TDP1: variants seen among roughly 807,000 people sequenced by gnomAD.
The protein encoded by TDP1 is tyr-DNA phosphodiesterase 1.
In TDP1, 64 loss-of-function variants were observed where a neutral mutation model predicts 81.5. The observed-to-expected ratio is 0.79, with a 90% CI of 0.64 to 0.97. TDP1 has a LOEUF of 0.97. Among genes scored for constraint, TDP1 ranks in the 50% least tolerant of loss-of-function variants. The probability of loss-of-function intolerance (pLI) is 0.00; values close to 1 mark genes in which losing one functional copy is unlikely to be tolerated. For missense variants in TDP1, 723 were observed against 743.8 expected (o/e 0.97, Z 0.33); for synonymous variants, 256 against 264.3 (o/e 0.97, Z 0.30).
At chr14:89,962,342 G>A (rs1461601179) in intron 2 of TDP1, among the ~76,000 whole-genome samples, 1 of 152,188 alleles carries the variant, frequency 6.6e-6, no homozygotes, top group Non-Finnish European at 1.5e-5. Context: ...CTTTTGGGAA[G>A]TAAGACATAC....
chr14:90,002,385 G>T (rs1304064687), intron 14 of TDP1, among the ~76,000 whole-genome samples: 1 of 152,152 alleles, frequency 6.6e-6, no homozygotes, highest in Admixed American at 6.5e-5. Context: ...CTCATTTATG[G>T]AATCCCAAGG....
intron 5 of TDP1, among the ~76,000 whole-genome samples, chr14:89,969,547 C>G (rs1412198206): frequency 6.6e-6 from 1 of 152,178 alleles, no homozygotes; most frequent in African/African-American, 2.4e-5. Context: ...ATGACTTGAT[C>G]TAACATTTTT....
At chr14:89,972,019 A>G (rs1043717657) in intron 6 of TDP1, among the ~76,000 whole-genome samples, 1 of 152,218 alleles carries the variant, frequency 6.6e-6, no homozygotes, top group Non-Finnish European at 1.5e-5. Flanking sequence ...TCTAAGTCCA[A>G]TGTGGAGACA....
intron 16 of TDP1, among the ~76,000 whole-genome samples, chr14:90,034,987 G>A (rs1236333321): frequency 2.2e-5 from 3 of 134,138 alleles, no homozygotes; most frequent in Non-Finnish European, 3.2e-5. Flanking sequence ...CCTCTGTCCC[G>A]CTAACCATTC....
intron 14 of TDP1, among the ~76,000 whole-genome samples, chr14:89,997,421 A>G (rs902715839): frequency 2.0e-5 from 3 of 152,208 alleles, no homozygotes; most frequent in African/African-American, 4.8e-5. Context: ...CACTGATATC[A>G]GTATAGAAGT....
chr14:90,018,190 C>T (rs987862140), intron 14 of TDP1, among the ~76,000 whole-genome samples: 8 of 151,934 alleles, frequency 5.3e-5, no homozygotes, highest in Admixed American at 3.3e-4. Context: ...GAGTGAATCT[C>T]GAAATAGTCA....
chr14:90,012,289 A>C (rs1012949288), intron 14 of TDP1, among the ~76,000 whole-genome samples: 2 of 151,756 alleles, frequency 1.3e-5, no homozygotes, highest in African/African-American at 4.8e-5. Flanking sequence ...ATGGAGCCTC[A>C]TGTCATTAAG....
chr14:89,985,031 C>A, intron 9 of TDP1, 101 bp from the exon 10 acceptor site: 3 of 1,318,850 alleles, frequency 2.3e-6, no homozygotes, highest in Non-Finnish European at 3.1e-6. Flanking sequence ...GCTCTTAGAT[C>A]ATTTCTTGAT....
intron 5 of TDP1, 91 bp downstream of exon 5, chr14:89,967,513 TTTTGAG>T (rs773582330): frequency 2.7e-6 from 3 of 1,120,398 alleles, no homozygotes; most frequent in Non-Finnish European, 4.1e-6. Flanking sequence ...GCCACTCATC[TTTTGAG>T]TTTTTCTTTT....
At chr14:89,980,230 C>A in intron 7 of TDP1, 1 of 985,390 alleles carries the variant, frequency 1.0e-6, no homozygotes, top group Non-Finnish European at 1.2e-6. Flanking sequence ...CCAACGGTCC[C>A]TAGTAGTAAC....
intron 13 of TDP1, among the ~76,000 whole-genome samples, chr14:89,992,402 C>T (rs1228760070): frequency 6.6e-6 from 1 of 152,116 alleles, no homozygotes; most frequent in South Asian, 2.1e-4. Context: ...CAGTATCTGG[C>T]GTGTTGTCAG....
intron 14 of TDP1, among the ~76,000 whole-genome samples, chr14:90,016,579 T>A (rs1885337734): frequency 6.6e-6 from 1 of 152,240 alleles, no homozygotes; most frequent in Non-Finnish European, 1.5e-5. Flanking sequence ...TGGCTCCAGC[T>A]AGTTATTCTC....
Position 89,963,247 on chromosome 14 carries a change from A to C in TDP1, c.133A>C (p.Arg45=). The change falls in exon 3 of 17, where the codon AGG becomes CGG. Residue 45 remains arginine, a synonymous_variant. Coordinates refer to ENST00000335725, the MANE Select transcript of TDP1 (RefSeq NM_018319.4). The part of the protein sequence containing the change: ...CARQGAANEP[R]YTCSEAQKAA... ...CAGGCAAGGAGCAGCAAATGAGCCC[A>C]GGTACACCTGTTCCGAGGCCCAGAA... The C allele has an allele frequency of 6.2e-7, 1 of 1,614,230 alleles. No homozygotes were observed. The highest frequency in any genetic ancestry group is 1.1e-5 in the South Asian group (1 of 91,084).
Position 89,967,360 on chromosome 14 carries a change from C to T in TDP1, c.604-7C>T. On this transcript the variant is annotated splice_polypyrimidine_tract_variant and splice_region_variant and intron_variant, in intron 4 of 16. Coordinates refer to ENST00000335725, the MANE Select transcript of TDP1 (RefSeq NM_018319.4). ...TGGCTTAGTTACTCTTCTTTTCTCC[C>T]ATCTAGTTTAACTACTGCTTTGACG... 6.2e-7 allele frequency: 1 copy of T among 1,613,640 alleles called. No individual in the cohort carries two copies. Among genetic ancestry groups the T allele is most frequent in the Non-Finnish European group, 8.5e-7 (1 of 1,179,638 alleles).
At chr14:89,998,309 T>A (rs1896810981) in intron 14 of TDP1, among the ~76,000 whole-genome samples, 1 of 147,482 alleles carries the variant, frequency 6.8e-6, no homozygotes. Flanking sequence ...GGTTATTGTT[T>A]TTAAATTTTC....
intron 14 of TDP1, among the ~76,000 whole-genome samples, chr14:90,003,915 C>A (rs1897401828): frequency 6.6e-6 from 1 of 152,126 alleles, no homozygotes; most frequent in Non-Finnish European, 1.5e-5. Context: ...CAAATCATCT[C>A]TTTTTGTTCT....
intron 14 of TDP1, among the ~76,000 whole-genome samples, chr14:90,005,314 G>A (rs575735386): frequency 4.6e-5 from 7 of 152,184 alleles, no homozygotes; most frequent in South Asian, 2.1e-4. Flanking sequence ...ACAACAGTGG[G>A]CAGAGAGAGA....
chr14:90,024,951 C>T (rs1252493573), intron 15 of TDP1, among the ~76,000 whole-genome samples: 1 of 152,134 alleles, frequency 6.6e-6, no homozygotes, highest in Non-Finnish European at 1.5e-5. Context: ...TGGACATCAT[C>T]CAGAATTTAC....
chr14:89,987,549 A>G (rs1171176226), intron 10 of TDP1, among the ~76,000 whole-genome samples: 2 of 152,198 alleles, frequency 1.3e-5, no homozygotes, highest in Non-Finnish European at 2.9e-5. Context: ...AAGCAGGTGG[A>G]TACTTCCTTA....
Sources: gnomAD v4.1 joint callset for allele counts (sites outside exome capture counted in the v4.1 genomes callset) on GRCh38, gnomAD v4.1.1 for gene constraint, MANE v1.5 for transcripts, NCBI Gene and HGNC (gene_info 2026-07-23, HGNC 2026-07-21) for gene names.